The following IL6R variants were observed in gnomAD, a reference collection of about 807,000 sequenced individuals.
The protein encoded by IL6R is interleukin 6 receptor, also known as interleukin-6 receptor subunit alpha.
A neutral mutation model predicts 48.3 loss-of-function variants in IL6R; 38 were observed. The observed-to-expected ratio is 0.79, with a 90% CI of 0.61 to 1.03. IL6R has a LOEUF of 1.03. Among genes scored for constraint, IL6R ranks in the 50% least tolerant of loss-of-function variants. The probability of loss-of-function intolerance (pLI) is 0.00; values close to 1 mark genes in which losing one functional copy is unlikely to be tolerated. For missense variants in IL6R, 534 were observed against 618.3 expected (o/e 0.86, Z 1.45); for synonymous variants, 264 against 256.2 (o/e 1.03, Z -0.29).
chr1:154,454,673 TCATTCATTTATC>T (rs1690775415), intron 9 of IL6R, 92 bp downstream of exon 9: 1 of 849,536 alleles, frequency 1.2e-6, no homozygotes, highest in Non-Finnish European at 2.0e-6. Context: ...GTGCATTTAT[TCATTCATTTATC>T]CATTCATCAA....
chr1:154,428,603 T>C (rs1443024106), intron 1 of IL6R, among the ~76,000 whole-genome samples: 1 of 152,160 alleles, frequency 6.6e-6, no homozygotes, highest in Admixed American at 6.6e-5. Flanking sequence ...TGGAATATAA[T>C]GGAGAACAAA....
At chr1:154,423,542 G>C (rs1183026120) in intron 1 of IL6R, among the ~76,000 whole-genome samples, 1 of 151,948 alleles carries the variant, frequency 6.6e-6, no homozygotes, top group Non-Finnish European at 1.5e-5. Flanking sequence ...GGAAGGGGCG[G>C]TGCTGCCCAC....
intron 1 of IL6R, among the ~76,000 whole-genome samples, chr1:154,426,076 G>GACACACACACACACACACACACAC (rs34280647): frequency 8.3e-6 from 1 of 119,880 alleles, no homozygotes; most frequent in African/African-American, 3.2e-5. Context: ...CCCTGTATCA[G>GACACACACACACACACACACACAC]ACACACACAC....
intron 1 of IL6R, among the ~76,000 whole-genome samples, chr1:154,423,012 G>A (rs1336434971): frequency 1.3e-5 from 2 of 152,030 alleles, no homozygotes; most frequent in Non-Finnish European, 2.9e-5. Context: ...GTCCACCAGG[G>A]AATCAGGCCT....
chr1:154,414,547 G>C, intron 1 of IL6R: 1 of 756,824 alleles, frequency 1.3e-6, no homozygotes, highest in Non-Finnish European at 2.3e-6. Flanking sequence ...TGAAGAAGAG[G>C]ATCTGGTGGC....
chr1:154,425,826 T>A (rs778450901), intron 1 of IL6R, among the ~76,000 whole-genome samples: 27 of 146,500 alleles, frequency 1.8e-4, no homozygotes, highest in Middle Eastern at 4.1e-3. Flanking sequence ...ATGCCTGTAA[T>A]CTCAGCACTT....
rs1326033857 is a variant in IL6R, at chr1:154,468,067, G to GT, written c.*2691dup. On this transcript the variant is annotated 3_prime_UTR_variant, in exon 10 of 10. Coordinates refer to ENST00000368485, the MANE Select transcript of IL6R (RefSeq NM_000565.4). ...ATTTTTATTGTAATGGAATTGCTTTGTTTTGTTTTTTTGTTTTTGTATTGA... is the reference window on the plus strand; with the variant it reads ...ATTTTTATTGTAATGGAATTGCTTTGTTTTTGTTTTTTTGTTTTTGTATTGA... 9.2e-5 allele frequency: 14 copies of GT among 151,894 alleles called. No individual in the cohort carries two copies. Among genetic ancestry groups the GT allele is most frequent in the African/African-American group, 2.9e-4 (12 of 41,228 alleles). The allele number at this position is 151,894 out of a possible 1,614,324, so 9.4% of individuals were successfully genotyped here.
chr1:154,432,782 G>T (rs1373429712), intron 3 of IL6R, among the ~76,000 whole-genome samples: 2 of 152,204 alleles, frequency 1.3e-5, no homozygotes, highest in Non-Finnish European at 2.9e-5. Context: ...GGGCGCCTTT[G>T]AAGTGAGGAA....
intron 8 of IL6R, among the ~76,000 whole-genome samples, chr1:154,450,657 G>C (rs987201604): frequency 2.6e-5 from 4 of 152,174 alleles, no homozygotes; most frequent in African/African-American, 9.6e-5. Context: ...CAATGCTTTT[G>C]ATTCCCTATC....
At chr1:154,411,120 G>T (rs1687993907) in intron 1 of IL6R, among the ~76,000 whole-genome samples, 3 of 152,144 alleles carry the variant, frequency 2.0e-5, no homozygotes, top group African/African-American at 7.2e-5. Context: ...GTGCAGTGGT[G>T]CAATCTTGGC....
At chr1:154,439,410 G>T (rs997613088) in intron 6 of IL6R, among the ~76,000 whole-genome samples, 2 of 152,156 alleles carry the variant, frequency 1.3e-5, no homozygotes, top group East Asian at 3.8e-4. Context: ...TGCCTCCCGG[G>T]TTCAAGCAAT....
intron 1 of IL6R, among the ~76,000 whole-genome samples, chr1:154,418,728 G>A (rs973275119): frequency 6.6e-6 from 1 of 152,128 alleles, no homozygotes; most frequent in African/African-American, 2.4e-5. Context: ...GGGAGGACGC[G>A]AGATTTGGAG....
intron 6 of IL6R, among the ~76,000 whole-genome samples, chr1:154,438,880 G>A (rs1689781136): frequency 6.6e-6 from 1 of 152,126 alleles, no homozygotes; most frequent in African/African-American, 2.4e-5. Context: ...GCTTTCTATT[G>A]GGCCCTCTCC....
intron 6 of IL6R, among the ~76,000 whole-genome samples, chr1:154,443,896 C>G (rs1690065629): frequency 6.6e-6 from 1 of 152,200 alleles, no homozygotes; most frequent in Non-Finnish European, 1.5e-5. Context: ...ACATATCACA[C>G]CCCTCACAGA....
chr1:154,453,062 G>A (rs1441016626), intron 8 of IL6R, among the ~76,000 whole-genome samples: 2 of 151,866 alleles, frequency 1.3e-5, no homozygotes, highest in Admixed American at 6.6e-5. Context: ...AAAATTAGCC[G>A]GGCATGGTGG....
intron 6 of IL6R, chr1:154,445,235 A>C (rs1690152654): frequency 2.1e-5 from 8 of 379,786 alleles, no homozygotes; most frequent in South Asian, 1.6e-4. Context: ...CTTGCTCAGC[A>C]CGCAGGAGCT....
At chr1:154,452,986 C>T (rs768525534) in intron 8 of IL6R, among the ~76,000 whole-genome samples, 3 of 151,984 alleles carry the variant, frequency 2.0e-5, no homozygotes, top group Admixed American at 6.6e-5. Context: ...GGGCGGATCA[C>T]CTAAGGTCAG....
In IL6R at chr1:154,414,309, G is replaced by A. The variant is rs1178406747; in HGVS notation, c.85+8595G>A. 6.1e-6 allele frequency: 5 copies of A among 822,132 alleles called. No homozygotes were observed. In the East Asian group the frequency reaches 1.5e-4, roughly 25 times the overall value. The allele number at this position is 822,132 out of a possible 1,614,324, so 50.9% of individuals were successfully genotyped here. ...ATCCACCTTTATTGGAGGAAACCTT[G>A]CACTGTAACTGTTTTAAATAATGTG... is the stretch of plus-strand genomic sequence containing the variant. On this transcript the variant is annotated intron_variant, in intron 1 of 9. Transcript: ENST00000368485.
chr1:154,434,906 C>A (rs968137803), intron 4 of IL6R, 84 bp from the exon 5 acceptor site: 2 of 1,455,878 alleles, frequency 1.4e-6, no homozygotes, highest in African/African-American at 2.8e-5. Flanking sequence ...TGGGTGGGGC[C>A]CTGCTTGCTG....
Sources: gnomAD v4.1 joint callset for allele counts (sites outside exome capture counted in the v4.1 genomes callset) on GRCh38, gnomAD v4.1.1 for gene constraint, MANE v1.5 for transcripts, NCBI Gene and HGNC (gene_info 2026-07-23, HGNC 2026-07-21) for gene names.